PREX1: variants seen among roughly 807,000 people sequenced by gnomAD.
The protein encoded by PREX1 is phosphatidylinositol 3,4,5-trisphosphate-dependent Rac exchanger 1 protein.
In PREX1, 41 loss-of-function variants were observed where a neutral mutation model predicts 198.3. That is an observed-to-expected ratio of 0.21 (90% confidence interval 0.16 to 0.27). The LOEUF (loss-of-function observed/expected upper bound fraction) is 0.27. Among genes scored for constraint, PREX1 ranks in the 10% least tolerant of loss-of-function variants. The pLI is 1.00. For missense variants in PREX1, 1,620 were observed against 2,200.7 expected, an observed-to-expected ratio of 0.74 and a Z score of 5.28; for synonymous variants, 843 against 887.2, an observed-to-expected ratio of 0.95 and a Z score of 0.89.
At chr20:48,772,730 A>G (rs2090242583) in intron 1 of PREX1, among the ~76,000 whole-genome samples, 1 of 152,220 alleles carries the variant, frequency 6.6e-6, no homozygotes, top group African/African-American at 2.4e-5. Flanking sequence ...CACCCTGTCC[A>G]CTGCCGTCCA....
At chr20:48,812,727 A>G (rs547568302) in intron 1 of PREX1, among the ~76,000 whole-genome samples, 2 of 152,318 alleles carry the variant, frequency 1.3e-5, no homozygotes, top group East Asian at 1.9e-4. Flanking sequence ...CAGATGGAGC[A>G]GCTGGGCCAC....
chr20:48,828,340 C>G (rs542477767), upstream of PREX1, among the ~76,000 whole-genome samples: 8 of 152,146 alleles, frequency 5.3e-5, no homozygotes, highest in Non-Finnish European at 7.4e-5. Flanking sequence ...CCCGCAGTCA[C>G]CGCGGGCTAC....
chr20:48,768,261 T>C (rs2090218119), intron 1 of PREX1, among the ~76,000 whole-genome samples: 1 of 152,118 alleles, frequency 6.6e-6, no homozygotes, highest in South Asian at 2.1e-4. Flanking sequence ...AACTCAAATT[T>C]TAAAATTACC....
At chr20:48,685,880 C>A (rs1328752112) in intron 10 of PREX1, among the ~76,000 whole-genome samples, 3 of 148,830 alleles carry the variant, frequency 2.0e-5, no homozygotes, top group Non-Finnish European at 3.0e-5. Flanking sequence ...GGCAACAGAG[C>A]GAGACCCTGT....
chr20:48,686,040 A>T (rs1006597107), intron 10 of PREX1, among the ~76,000 whole-genome samples: 3 of 152,244 alleles, frequency 2.0e-5, no homozygotes, highest in African/African-American at 7.2e-5. Flanking sequence ...ACAGTGGGAG[A>T]CAGCACCAGT....
chr20:48,648,606 C>T (rs117967200), intron 25 of PREX1, among the ~76,000 whole-genome samples: 1 of 152,200 alleles, frequency 6.6e-6, no homozygotes, highest in Non-Finnish European at 1.5e-5. Flanking sequence ...ACAAACACCC[C>T]TGATTGTCTC....
At chr20:48,880,761 A>G in the PREX1 span, among the ~76,000 whole-genome samples, 1 of 152,104 alleles carries the variant, frequency 6.6e-6, no homozygotes, top group African/African-American at 2.4e-5. Context: ...CTAGGAAAGA[A>G]GGGCAAATGG....
intron 1 of PREX1, among the ~76,000 whole-genome samples, chr20:48,748,754 G>A (rs1018733174): frequency 1.3e-5 from 2 of 152,184 alleles, no homozygotes; most frequent in Non-Finnish European, 1.5e-5. Context: ...GGGAGCCGAG[G>A]GTGCACCATT....
intron 7 of PREX1, among the ~76,000 whole-genome samples, chr20:48,696,630 TACATACATACAC>T (rs1252547316): frequency 5.3e-5 from 8 of 149,982 alleles, no homozygotes; most frequent in African/African-American, 2.0e-4. Context: ...CATACATACA[TACATACATACAC>T]ACATACACAC....
intron 1 of PREX1, among the ~76,000 whole-genome samples, chr20:48,821,211 C>T (rs1021521877): frequency 6.6e-6 from 1 of 151,922 alleles, no homozygotes. Context: ...TAAAAAAAAA[C>T]GGGGGGATTT....
intron 14 of PREX1, among the ~76,000 whole-genome samples, chr20:48,672,466 G>C (rs2089681827): frequency 6.6e-6 from 1 of 152,226 alleles, no homozygotes; most frequent in Admixed American, 6.5e-5. Context: ...TCTCCACACA[G>C]AGCCAGGGGA....
chr20:48,787,695 CAGA>C (rs1432615627), intron 1 of PREX1, among the ~76,000 whole-genome samples: 3 of 150,314 alleles, frequency 2.0e-5, no homozygotes, highest in African/African-American at 7.4e-5. Context: ...ATCTGGAGAA[CAGA>C]AGAAGGACTA....
chr20:48,853,170 A>G, the PREX1 span, among the ~76,000 whole-genome samples: 1 of 152,240 alleles, frequency 6.6e-6, no homozygotes, highest in Non-Finnish European at 1.5e-5. Context: ...TTATAATTAT[A>G]CATAAATAGA....
At chr20:48,645,120 G>A (rs2089441240) in intron 26 of PREX1, among the ~76,000 whole-genome samples, 1 of 152,234 alleles carries the variant, frequency 6.6e-6, no homozygotes, top group African/African-American at 2.4e-5. Context: ...AGCAGCCAAC[G>A]GGGGATCAGG....
At chr20:48,654,428 T>C (rs371692980) in intron 19 of PREX1, among the ~76,000 whole-genome samples, 1 of 152,230 alleles carries the variant, frequency 6.6e-6, no homozygotes. Flanking sequence ...GATAATTCTG[T>C]GTGGTTCTCT....
chr20:48,642,162 C>G lies in PREX1; in HGVS notation c.3775+6G>C. ...GGCTGTCACCTTGGACTGGCTATCC[C>G]CTCACCTTGTAAGCTGTGGTTCATA... On this transcript the variant is annotated splice_donor_region_variant and intron_variant, in intron 29 of 39. Coordinates refer to ENST00000371941, the MANE Select transcript of PREX1 (RefSeq NM_020820.4). 1 of 1,613,836 alleles carries G rather than the reference C, an allele frequency of 6.2e-7. No homozygotes were observed. The highest frequency in any genetic ancestry group is 8.5e-7 in the Non-Finnish European group (1 of 1,179,704).
At chr20:48,643,792 G>A (rs1381464596) in intron 27 of PREX1, among the ~76,000 whole-genome samples, 1 of 152,146 alleles carries the variant, frequency 6.6e-6, no homozygotes, top group Non-Finnish European at 1.5e-5. Flanking sequence ...TCCTGCCTCA[G>A]CCTCCCAAAT....
chr20:48,725,086 C>G (rs2122695858), intron 5 of PREX1, among the ~76,000 whole-genome samples: 1 of 152,294 alleles, frequency 6.6e-6, no homozygotes, highest in South Asian at 2.1e-4. Flanking sequence ...AGGGTCTGGC[C>G]CAGTTCAGAG....
At chr20:48,656,781 C>A (rs565886512) in intron 18 of PREX1, among the ~76,000 whole-genome samples, 1 of 152,214 alleles carries the variant, frequency 6.6e-6, no homozygotes, top group Non-Finnish European at 1.5e-5. Flanking sequence ...CCTCCTCCCC[C>A]AACTAGATCT....
Sources: allele counts gnomAD v4.1 joint callset (sites outside exome capture counted in the v4.1 genomes callset), GRCh38; gene constraint gnomAD v4.1.1; transcripts MANE v1.5; gene names NCBI Gene and HGNC (gene_info 2026-07-23, HGNC 2026-07-21).